FANCC: variants seen among roughly 807,000 people sequenced by gnomAD.
FANCC encodes FA complementation group C.
Under a neutral mutation model 71.3 loss-of-function variants are expected in FANCC, and 55 were observed. The ratio of observed to expected loss-of-function variants is 0.77; its 90% confidence interval spans 0.62 to 0.97. The LOEUF is 0.97. Among genes scored for constraint, FANCC ranks in the 50% least tolerant of loss-of-function variants. FANCC has a pLI of 0.00. For missense variants in FANCC, 678 were observed against 670.9 expected (o/e 1.01, Z -0.12); for synonymous variants, 275 against 244.9 (o/e 1.12, Z -1.15).
rs184301754 is a variant in FANCC, at chr9:95,168,642, T to C, written c.521+2437A>G. On this transcript the variant is annotated intron_variant, in intron 6 of 14. Coordinates refer to ENST00000289081, the MANE Select transcript of FANCC (RefSeq NM_000136.3). ...ACCTCCCAGGTTCATGTGATTCTCC[T>C]GCCTCAGCCTCCCGAGTAGCTGGGA... Among the ~76,000 whole-genome samples, 220 of 152,364 alleles carry C rather than the reference T, an allele frequency of 1.4e-3. 6 individuals are homozygous for C. Among genetic ancestry groups the C allele is most frequent in the Non-Finnish European group, 5.3e-4 (36 of 68,030 alleles).
chr9:95,126,631 C>T, intron 8 of FANCC, 50 bp from the exon 9 acceptor site: 1 of 1,583,816 alleles, frequency 6.3e-7, no homozygotes, highest in Non-Finnish European at 8.7e-7. Context: ...AGCACTTTCT[C>T]AGAAACTTGC....
chr9:95,193,302 G>A (rs913805029), intron 4 of FANCC, among the ~76,000 whole-genome samples: 9 of 152,244 alleles, frequency 5.9e-5, no homozygotes, highest in East Asian at 1.9e-4. Context: ...TGGAGTAATC[G>A]GCAAGTTCAG....
At chr9:95,212,673 G>C (rs574251147) in intron 4 of FANCC, among the ~76,000 whole-genome samples, 1 of 152,326 alleles carries the variant, frequency 6.6e-6, no homozygotes, top group Admixed American at 6.5e-5. Flanking sequence ...GTGCTGAAAA[G>C]GGAGAATCTG....
chr9:95,222,786 C>T (rs1408939773), intron 4 of FANCC, among the ~76,000 whole-genome samples: 1 of 152,142 alleles, frequency 6.6e-6, no homozygotes, highest in African/African-American at 2.4e-5. Flanking sequence ...TTTTCATTTT[C>T]TGTGTTTCCT....
Position 95,126,598 on chromosome 9 carries a change from C to A in FANCC, c.844-17G>T. On this transcript the variant is annotated splice_polypyrimidine_tract_variant and intron_variant, in intron 8 of 14. Coordinates refer to ENST00000289081, the MANE Select transcript of FANCC (RefSeq NM_000136.3). ...TGCTTGAGGCTGTAAAAGGAGAAGA[C>A]CATGAGAATGTGAAATATCACAAGC... The A allele has an allele frequency of 6.2e-7, 1 of 1,613,480 alleles. No homozygotes were observed. Among genetic ancestry groups the A allele is most frequent in the Non-Finnish European group, 8.5e-7 (1 of 1,179,524 alleles).
chr9:95,166,630 T>G (rs138560509), intron 6 of FANCC, among the ~76,000 whole-genome samples: 1 of 152,308 alleles, frequency 6.6e-6, no homozygotes, highest in East Asian at 1.9e-4. Flanking sequence ...TTATGTACAC[T>G]CAGCCCTCTA....
rs1330379333 is a variant in FANCC, at chr9:95,171,064, T to C, written c.521+15A>G. 5.0e-6 allele frequency: 8 copies of C among 1,601,934 alleles called. No individual in the cohort carries two copies. The Middle Eastern group carries it at 5.0e-4, about 100-fold the overall frequency. On this transcript the variant is annotated intron_variant, in intron 6 of 14. Coordinates refer to ENST00000289081, the MANE Select transcript of FANCC (RefSeq NM_000136.3). The stretch of plus-strand genomic sequence containing the variant: ...TTTGAAACCTGAGAAGAAGGATGTT[T>C]AGTTTAACACCTACCGCCTTTGAGT...
intron 1 of FANCC, among the ~76,000 whole-genome samples, chr9:95,269,368 A>G (rs893800377): frequency 1.3e-5 from 2 of 152,246 alleles, no homozygotes; most frequent in African/African-American, 4.8e-5. Context: ...TTGTTTTTAC[A>G]AACTCGTTGA....
rs2071958528 is a variant in FANCC at position 95,111,783 on chromosome 9, C to A, written c.1155-146G>T. 3 of 965,458 alleles carry A rather than the reference C, an allele frequency of 3.1e-6. No homozygotes were observed. In the Admixed American group the frequency reaches 6.0e-5, roughly 19 times the overall value. 59.8% of individuals were successfully genotyped at this position (965,458 alleles called of 1,614,324 possible). On this transcript the variant is annotated intron_variant, in intron 12 of 14. Transcript: ENST00000289081. ...ACCTGCAAGGAATACAATTTAGATTCAGAAAGCCTGTCCAAACGCCACTCT... is the reference window on the plus strand; with the variant it reads ...ACCTGCAAGGAATACAATTTAGATTAAGAAAGCCTGTCCAAACGCCACTCT...
At chr9:95,308,321 C>G (rs1012202998) in intron 1 of FANCC, among the ~76,000 whole-genome samples, 1 of 151,836 alleles carries the variant, frequency 6.6e-6, no homozygotes, top group Non-Finnish European at 1.5e-5. Flanking sequence ...CACAGATCAC[C>G]GCTTTTTGTT....
chr9:95,181,290 T>C (rs953938608), intron 4 of FANCC, among the ~76,000 whole-genome samples: 5 of 152,050 alleles, frequency 3.3e-5, no homozygotes, highest in South Asian at 2.1e-4. Context: ...ATAAAATAAG[T>C]GTTAAGTCCT....
intron 5 of FANCC, among the ~76,000 whole-genome samples, chr9:95,171,499 A>G (rs1164336413): frequency 1.3e-5 from 2 of 152,158 alleles, no homozygotes; most frequent in African/African-American, 4.8e-5. Flanking sequence ...AGCTTCCAAA[A>G]CACCGGAATG....
At position 95,101,433 on chromosome 9, in the gene FANCC, T is replaced by C; in HGVS notation, c.*274A>G. ...CCACCCAGGCCTTTGCTTTAGTAAT[T>C]ATCAAGCTGACGGTCTGGCCGGGCG... is the stretch of plus-strand genomic sequence containing the variant. On this transcript the variant is annotated 3_prime_UTR_variant, in exon 15 of 15. Coordinates refer to ENST00000289081, the MANE Select transcript of FANCC (RefSeq NM_000136.3). The C allele has an allele frequency of 1.9e-6, 1 of 515,896 alleles. No homozygotes were observed. 32.0% of individuals were successfully genotyped at this position (515,896 alleles called of 1,614,324 possible).
intron 6 of FANCC, among the ~76,000 whole-genome samples, chr9:95,163,952 A>C (rs1318744030): frequency 1.3e-5 from 2 of 152,214 alleles, no homozygotes; most frequent in African/African-American, 4.8e-5. Context: ...TTCTTTTAGC[A>C]ATGTATAGCT....
At position 95,099,691 on chromosome 9, in the gene FANCC, C is replaced by G. The variant is rs1376778553; in HGVS notation, c.*2016G>C. 1 of 232,160 alleles carries G rather than the reference C, an allele frequency of 4.3e-6. No individual in the cohort carries two copies. Among genetic ancestry groups the G allele is most frequent in the Non-Finnish European group, 8.5e-6 (1 of 117,556 alleles). 14.4% of individuals were successfully genotyped at this position (232,160 alleles called of 1,614,324 possible). ...GTGCCACGTCCCCAGAGGGACAGTC[C>G]TCCCACCCAGGAACCCCTGGCTGCC... On this transcript the variant is annotated 3_prime_UTR_variant, in exon 15 of 15. Coordinates refer to ENST00000289081, the MANE Select transcript of FANCC (RefSeq NM_000136.3).
intron 4 of FANCC, among the ~76,000 whole-genome samples, chr9:95,225,402 G>A (rs1260150338): frequency 6.6e-6 from 1 of 152,162 alleles, no homozygotes; most frequent in Non-Finnish European, 1.5e-5. Context: ...CTGGAACATA[G>A]AGACCTAAAA....
At chr9:95,105,613 C>T (rs900042112) in intron 14 of FANCC, among the ~76,000 whole-genome samples, 3 of 152,142 alleles carry the variant, frequency 2.0e-5, no homozygotes, top group Admixed American at 6.5e-5. Flanking sequence ...CAGCACTGGC[C>T]GTCTCCTGCC....
chr9:95,202,402 C>A (rs962830858), intron 4 of FANCC, among the ~76,000 whole-genome samples: 3 of 152,080 alleles, frequency 2.0e-5, no homozygotes, highest in African/African-American at 7.2e-5. Flanking sequence ...AAAGAGCCAG[C>A]TTTTCTAGCA....
intron 4 of FANCC, among the ~76,000 whole-genome samples, chr9:95,237,172 T>C (rs964633212): frequency 1.3e-5 from 2 of 152,248 alleles, no homozygotes; most frequent in Admixed American, 6.5e-5. Context: ...TCAGGCTTGC[T>C]TGGTAACTGA....
Sources: gnomAD v4.1 joint callset for allele counts (sites outside exome capture counted in the v4.1 genomes callset) on GRCh38, gnomAD v4.1.1 for gene constraint, MANE v1.5 for transcripts, NCBI Gene and HGNC (gene_info 2026-07-23, HGNC 2026-07-21) for gene names.